Variants in MRPL14 observed in about 807,000 individuals in gnomAD.
MRPL14 encodes mitochondrial ribosomal protein L14.
Under a neutral mutation model 10.9 loss-of-function variants are expected in MRPL14, and 8 were observed. That is an observed-to-expected ratio of 0.74 (90% confidence interval 0.43 to 1.33). The LOEUF (loss-of-function observed/expected upper bound fraction) is 1.33, where lower values mean the gene tolerates loss of function less well. MRPL14 is among the 40% of genes most tolerant of loss of function. The pLI is 0.01. For synonymous variants in MRPL14, 82 were observed against 74.1 expected, an observed-to-expected ratio of 1.11 and a Z score of -0.54; for missense variants, 179 against 194.5, an observed-to-expected ratio of 0.92 and a Z score of 0.47.
At chr6:44,116,975 G>A (rs543989826) in intron 1 of MRPL14, among the ~76,000 whole-genome samples, 17 of 152,278 alleles carry the variant, frequency 1.1e-4, no homozygotes, top group East Asian at 9.6e-4. Flanking sequence ...ACTTCTTCTC[G>A]AGTCCTCCAT....
intron 1 of MRPL14, among the ~76,000 whole-genome samples, chr6:44,120,063 A>G (rs1379551881): frequency 1.3e-5 from 2 of 152,108 alleles, no homozygotes; most frequent in Non-Finnish European, 2.9e-5. Context: ...GCACAAACAC[A>G]AACTCAGGCC....
At position 44,114,112 on chromosome 6, in the gene MRPL14, A is replaced by C; in HGVS notation, c.169T>G (p.Cys57Gly). The C allele has an allele frequency of 1.2e-6, 2 of 1,614,194 alleles. No individual in the cohort carries two copies. Among genetic ancestry groups the C allele is most frequent in the Non-Finnish European group, 8.5e-7 (1 of 1,180,050 alleles). The change falls in exon 3 of 3, where the codon TGC (cysteine) becomes GGC (glycine). Residue 57 changes from cysteine to glycine, a missense_variant. By Grantham distance (159) the Cys-to-Gly change is radical. Transcript: ENST00000372014. ...GNSPYHRAPR[C>G]IHVYKKNGVG... ...CCATTCTTCTTATAGACATGGATGC[A>C]GCGAGGAGCCCGATGGTATGGGCTG...
intron 1 of MRPL14, among the ~76,000 whole-genome samples, chr6:44,122,919 A>G (rs566185916): frequency 4.6e-5 from 7 of 152,306 alleles, no homozygotes; most frequent in East Asian, 1.9e-4. Flanking sequence ...CTCCTCAATC[A>G]TTCTGGACCA....
chr6:44,124,210 T>A (rs1181382465), intron 1 of MRPL14, among the ~76,000 whole-genome samples: 1 of 151,998 alleles, frequency 6.6e-6, no homozygotes, highest in African/African-American at 2.4e-5. Context: ...AGTTAAAGAA[T>A]GGGGGTGGGA....
At chr6:44,123,311 C>T (rs1314978783) in intron 1 of MRPL14, among the ~76,000 whole-genome samples, 2 of 152,198 alleles carry the variant, frequency 1.3e-5, no homozygotes, top group Non-Finnish European at 2.9e-5. Flanking sequence ...AAACACTGCA[C>T]AATATTTGCA....
At chr6:44,121,800 C>T (rs1490193070) in intron 1 of MRPL14, among the ~76,000 whole-genome samples, 5 of 152,048 alleles carry the variant, frequency 3.3e-5, no homozygotes, top group Admixed American at 6.5e-5. Flanking sequence ...ATTAGTGGGG[C>T]GTGGTGGCAC....
intron 1 of MRPL14, among the ~76,000 whole-genome samples, chr6:44,122,305 G>A (rs183069617): frequency 2.6e-5 from 4 of 152,094 alleles, no homozygotes; most frequent in African/African-American, 4.8e-5. Flanking sequence ...GGATGGTCTC[G>A]ATCTCCTGAC....
chr6:44,125,438 T>A (rs773546917), intron 1 of MRPL14, among the ~76,000 whole-genome samples: 11 of 152,106 alleles, frequency 7.2e-5, no homozygotes, highest in Non-Finnish European at 1.5e-4. Context: ...CGTAGATCGA[T>A]TGAGGTCAGG....
At chr6:44,118,130 T>C (rs951146604) in intron 1 of MRPL14, among the ~76,000 whole-genome samples, 5 of 152,206 alleles carry the variant, frequency 3.3e-5, no homozygotes, top group South Asian at 4.1e-4. Flanking sequence ...AGCTAATGTA[T>C]GCAACTACTA....
rs902025151 is a variant in MRPL14 at position 44,113,777 on chromosome 6, T to C, written c.*66A>G. On this transcript the variant is annotated 3_prime_UTR_variant, in exon 3 of 3. Coordinates refer to ENST00000372014, the MANE Select transcript of MRPL14 (RefSeq NM_032111.4). ...CAGCCATGTGGCTCCCAAGCTCCCT[T>C]AGCAAAAGGGTGGTTCTCAGAACTG... The C allele has an allele frequency of 6.7e-7, 1 of 1,503,330 alleles. No homozygotes were observed. Among genetic ancestry groups the C allele is most frequent in the Non-Finnish European group, 8.9e-7 (1 of 1,124,432 alleles). 93.1% of individuals were successfully genotyped at this position (1,503,330 alleles called of 1,614,324 possible). A position where few individuals can be genotyped will look rare whatever the true frequency, so the allele number is the denominator to read the frequency against.
intron 1 of MRPL14, among the ~76,000 whole-genome samples, chr6:44,117,770 T>C (rs1775989923): frequency 6.7e-6 from 1 of 150,372 alleles, no homozygotes; most frequent in Admixed American, 6.6e-5. Context: ...GCTCAGGTGA[T>C]CCTCCCACCT....
intron 1 of MRPL14, among the ~76,000 whole-genome samples, chr6:44,119,251 G>A (rs909549466): frequency 6.6e-6 from 1 of 152,026 alleles, no homozygotes; most frequent in African/African-American, 2.4e-5. Flanking sequence ...AGCTGGGCGC[G>A]GTGGCTCATG....
At chr6:44,126,244 G>GT (rs1777029045) in intron 1 of MRPL14, among the ~76,000 whole-genome samples, 1 of 152,188 alleles carries the variant, frequency 6.6e-6, no homozygotes, top group Non-Finnish European at 1.5e-5. Context: ...ACACGTGTGT[G>GT]TACACCTGAA....
intron 1 of MRPL14, among the ~76,000 whole-genome samples, chr6:44,122,564 T>C (rs1776554185): frequency 6.6e-6 from 1 of 152,224 alleles, no homozygotes; most frequent in African/African-American, 2.4e-5. Flanking sequence ...TTTCAATCTT[T>C]AGGTGCCTGG....
intron 1 of MRPL14, among the ~76,000 whole-genome samples, chr6:44,120,294 C>A (rs1228472948): frequency 6.6e-6 from 1 of 152,208 alleles, no homozygotes; most frequent in East Asian, 1.9e-4. Context: ...AATTTGTATA[C>A]TTTGAGATAA....
intron 1 of MRPL14, chr6:44,127,127 G>C (rs886378436): frequency 2.0e-5 from 3 of 149,340 alleles, no homozygotes; most frequent in African/African-American, 7.3e-5. Context: ...GAGAGCGGAA[G>C]GGAGGAGGAT....
chr6:44,126,009 G>A (rs1407263215), intron 1 of MRPL14, among the ~76,000 whole-genome samples: 5 of 152,144 alleles, frequency 3.3e-5, no homozygotes, highest in African/African-American at 1.2e-4. Context: ...GATGAACAGT[G>A]AACTGTCTTT....
At chr6:44,127,204 G>GGACCCCCCCCTCCCCGTCGC in intron 1 of MRPL14, 140 bp downstream of exon 1, 1 of 145,154 alleles carries the variant, frequency 6.9e-6, no homozygotes, top group Non-Finnish European at 1.5e-5. Flanking sequence ...CTCCCCGTCG[G>GGACCCCCCCCTCCCCGTCGC]GACCCCTCCC....
In MRPL14 at chr6:44,113,732, G is replaced by C; in HGVS notation, c.*111C>G. The stretch of plus-strand genomic sequence containing the variant: ...TTATTCTCTCACAGGATACTACACT[G>C]TTACCCAGTGTGAAGGGAGCAGCCA... On this transcript the variant is annotated 3_prime_UTR_variant, in exon 3 of 3. Transcript: ENST00000372014. 1 of 1,134,888 alleles carries C rather than the reference G, an allele frequency of 8.8e-7. No individual in the cohort carries two copies. Among genetic ancestry groups the C allele is most frequent in the Non-Finnish European group, 1.2e-6 (1 of 800,358 alleles). The allele number at this position is 1,134,888 out of a possible 1,614,324, so 70.3% of individuals were successfully genotyped here.
Sources: gnomAD v4.1 joint callset for allele counts (sites outside exome capture counted in the v4.1 genomes callset) on GRCh38, gnomAD v4.1.1 for gene constraint, MANE v1.5 for transcripts, NCBI Gene and HGNC (gene_info 2026-07-23, HGNC 2026-07-21) for gene names.